The following CHCHD3 variants were observed in gnomAD, a reference collection of about 807,000 sequenced individuals.
CHCHD3 encodes coiled-coil-helix-coiled-coil-helix domain containing 3.
A neutral mutation model predicts 38.2 loss-of-function variants in CHCHD3; 20 were observed. The ratio of observed to expected loss-of-function variants is 0.52; its 90% CI spans 0.37 to 0.76. The LOEUF (loss-of-function observed/expected upper bound fraction) is 0.76, where lower values mean the gene tolerates loss of function less well. CHCHD3 is among the 30% of genes least tolerant of loss of function. The pLI is 0.00. For synonymous variants in CHCHD3, 82 were observed against 100.0 expected (o/e 0.82, Z 1.07); for missense variants, 245 against 279.2 (o/e 0.88, Z 0.87).
intron 4 of CHCHD3, chr7:132,973,336 C>T: frequency 1.0e-6 from 1 of 985,422 alleles, no homozygotes; most frequent in Non-Finnish European, 1.2e-6. Context: ...TCCTTAGCTT[C>T]CAAATTTGGA....
intron 3 of CHCHD3, among the ~76,000 whole-genome samples, chr7:133,023,359 T>C (rs2117440036): frequency 6.6e-6 from 1 of 152,324 alleles, no homozygotes; most frequent in East Asian, 1.9e-4. Context: ...TATTAAATAA[T>C]AATTTTTCAC....
intron 5 of CHCHD3, among the ~76,000 whole-genome samples, chr7:132,874,054 T>G (rs1808834456): frequency 6.6e-6 from 1 of 152,142 alleles, no homozygotes; most frequent in South Asian, 2.1e-4. Flanking sequence ...ACGTGGACAT[T>G]TTTGACCCGC....
At chr7:132,841,751 C>G (rs1409852675) in intron 5 of CHCHD3, among the ~76,000 whole-genome samples, 1 of 152,048 alleles carries the variant, frequency 6.6e-6, no homozygotes, top group Non-Finnish European at 1.5e-5. Flanking sequence ...TGCTGGGTTG[C>G]TATATTTTTA....
At chr7:132,808,981 G>A (rs149944428) in intron 6 of CHCHD3, among the ~76,000 whole-genome samples, 2,122 of 148,686 alleles carry the variant, frequency 0.014, 50 homozygotes, top group African/African-American at 0.049. Flanking sequence ...ACAGGATCTC[G>A]CTCTATCACC....
intron 7 of CHCHD3, 35 bp from the exon 8 acceptor site, chr7:132,785,695 C>G (rs113542681): frequency 6.2e-7 from 1 of 1,608,124 alleles, no homozygotes; most frequent in South Asian, 1.1e-5. Context: ...GTTTTACCAC[C>G]GGGAGAGGAC....
chr7:132,924,254 T>C (rs898685756), intron 4 of CHCHD3, among the ~76,000 whole-genome samples: 1 of 152,216 alleles, frequency 6.6e-6, no homozygotes, highest in African/African-American at 2.4e-5. Context: ...TTTTGAAGAC[T>C]AATAATAATC....
At position 133,075,777 on chromosome 7, in the gene CHCHD3, C is replaced by A. The variant is rs151159072; in HGVS notation, c.82-5548G>T. Among the ~76,000 whole-genome samples the A allele has an allele frequency of 1.1e-3, 160 of 152,190 alleles. 1 individual carries two copies. The highest frequency in any genetic ancestry group is 3.6e-3 in the African/African-American group (149 of 41,548). On this transcript the variant is annotated intron_variant, in intron 1 of 7. Transcript: ENST00000262570. ...CAGCCTCTGTGTAAGAAGTATCTTG[C>A]GGTCAGGTGTGGTGGCTCACGCCTA...
intron 6 of CHCHD3, among the ~76,000 whole-genome samples, chr7:132,820,132 TA>T (rs199597552): frequency 1.3e-5 from 2 of 149,604 alleles, no homozygotes; most frequent in African/African-American, 2.5e-5. Context: ...GGCAAGCTGT[TA>T]AAAAAAAAAG....
At chr7:132,946,642 G>A (rs1810910116) in intron 4 of CHCHD3, among the ~76,000 whole-genome samples, 2 of 151,376 alleles carry the variant, frequency 1.3e-5, no homozygotes, top group East Asian at 3.9e-4. Flanking sequence ...TAAATATATT[G>A]GTTTATAATT....
intron 4 of CHCHD3, among the ~76,000 whole-genome samples, chr7:132,925,843 C>T (rs966316718): frequency 6.6e-6 from 1 of 152,022 alleles, no homozygotes; most frequent in Non-Finnish European, 1.5e-5. Flanking sequence ...GCCTCAAAAA[C>T]GAGTTGGGGA....
intron 5 of CHCHD3, among the ~76,000 whole-genome samples, chr7:132,851,025 A>T (rs1297055416): frequency 1.3e-5 from 2 of 152,166 alleles, no homozygotes; most frequent in Admixed American, 6.5e-5. Context: ...TGACCCCTTT[A>T]GGAATAAGAG....
chr7:133,062,005 C>T (rs1326092079), intron 2 of CHCHD3, among the ~76,000 whole-genome samples: 2 of 151,982 alleles, frequency 1.3e-5, no homozygotes, highest in African/African-American at 2.4e-5. Context: ...TGGCCTAATA[C>T]AGAACACTAT....
rs1191601141 is a variant in CHCHD3 at position 132,855,503 on chromosome 7, C to T, written c.454-17034G>A. Among the ~76,000 whole-genome samples, 3 of 152,130 alleles carry T rather than the reference C, an allele frequency of 2.0e-5. No individual in the cohort carries two copies. In the East Asian group the frequency reaches 5.8e-4, roughly 29 times the overall value. On this transcript the variant is annotated intron_variant, in intron 5 of 7. Transcript: ENST00000262570. ...TGAATTGGAGAAAGCTCAAAAGTGGCAAAGGACCATCAATCTATTTCAAAG... is the reference window on the plus strand; with the variant it reads ...TGAATTGGAGAAAGCTCAAAAGTGGTAAAGGACCATCAATCTATTTCAAAG...
chr7:132,832,887 T>A (rs1309905637), intron 6 of CHCHD3, among the ~76,000 whole-genome samples: 1 of 152,224 alleles, frequency 6.6e-6, no homozygotes, highest in Non-Finnish European at 1.5e-5. Flanking sequence ...GAGTGCTTTA[T>A]GTGCCGGTCA....
intron 2 of CHCHD3, among the ~76,000 whole-genome samples, chr7:133,051,301 T>C (rs1302320947): frequency 1.3e-5 from 2 of 152,140 alleles, no homozygotes; most frequent in East Asian, 3.8e-4. Context: ...TGTTTCTGCC[T>C]CATAACAGGG....
intron 2 of CHCHD3, among the ~76,000 whole-genome samples, chr7:133,025,349 T>C (rs866497093): frequency 3.9e-5 from 6 of 152,318 alleles, no homozygotes; most frequent in Middle Eastern, 6.8e-3. Flanking sequence ...TGGACAAATT[T>C]CACACACGTC....
intron 6 of CHCHD3, among the ~76,000 whole-genome samples, chr7:132,798,068 CA>C (rs1297063152): frequency 6.6e-6 from 1 of 152,030 alleles, no homozygotes; most frequent in Non-Finnish European, 1.5e-5. Flanking sequence ...TATTTCTCAT[CA>C]ATAAGGAAAC....
At chr7:132,790,752 G>T (rs1477037805) in intron 7 of CHCHD3, among the ~76,000 whole-genome samples, 1 of 152,124 alleles carries the variant, frequency 6.6e-6, no homozygotes, top group Non-Finnish European at 1.5e-5. Flanking sequence ...GTGTACATCG[G>T]GGGGACCCTG....
At chr7:132,916,139 C>G (rs996176281) in intron 4 of CHCHD3, among the ~76,000 whole-genome samples, 6 of 152,068 alleles carry the variant, frequency 3.9e-5, no homozygotes, top group South Asian at 4.2e-4. Context: ...GTTAAACAAC[C>G]CTTCTCATCT....
Sources: allele counts gnomAD v4.1 joint callset (sites outside exome capture counted in the v4.1 genomes callset), GRCh38; gene constraint gnomAD v4.1.1; transcripts MANE v1.5; gene names NCBI Gene and HGNC (gene_info 2026-07-23, HGNC 2026-07-21).